The following GAD1 variants were observed in gnomAD, a reference collection of about 807,000 sequenced individuals.
GAD1 encodes the protein glutamate decarboxylase 1.
Under a neutral mutation model 75.2 loss-of-function variants are expected in GAD1, and 35 were observed. The observed-to-expected ratio is 0.47, with a 90% confidence interval of 0.36 to 0.62. The LOEUF (loss-of-function observed/expected upper bound fraction) is 0.62, where lower values mean the gene tolerates loss of function less well. GAD1 is among the 20% of genes least tolerant of loss of function. The pLI is 0.00. For synonymous variants in GAD1, 257 were observed against 271.9 expected, an observed-to-expected ratio of 0.95 and a Z score of 0.54; for missense variants, 490 against 758.5, an observed-to-expected ratio of 0.65 and a Z score of 4.16.
chr2:170,847,149 C>G (rs1702650468), intron 10 of GAD1, among the ~76,000 whole-genome samples: 1 of 152,014 alleles, frequency 6.6e-6, no homozygotes, highest in Admixed American at 6.6e-5. Flanking sequence ...GTGTATAGAC[C>G]TTTTTTAAAT....
chr2:170,831,634 G>GTGTGTA (rs1165758709), intron 5 of GAD1, among the ~76,000 whole-genome samples: 1,826 of 132,010 alleles, frequency 0.014, 20 homozygotes, highest in Middle Eastern at 0.033. Flanking sequence ...GTGTGTGTGT[G>GTGTGTA]TATATACCTA....
Position 170,852,757 on chromosome 2 carries a change from C to T in GAD1, c.1228C>T (p.Leu410=). The change falls in exon 13 of 17, where the codon CTG becomes TTG. Residue 410 remains leucine (L), a synonymous_variant. Transcript: ENST00000358196. ...TWNPHKMMGV[L]LQCSAILVKE... ...GAACCCTCACAAGATGATGGGCGTGCTGTTGCAGTGCTCTGCCATTCTCGT... is the reference window on the plus strand; with the variant it reads ...GAACCCTCACAAGATGATGGGCGTGTTGTTGCAGTGCTCTGCCATTCTCGT... 1.2e-6 allele frequency: 2 copies of T among 1,614,214 alleles called. No individual in the cohort carries two copies. The highest frequency in any genetic ancestry group is 1.7e-6 in the Non-Finnish European group (2 of 1,180,042).
chr2:170,852,976 G>A lies in GAD1; in HGVS notation c.1263+184G>A, dbSNP rs1350174708. The A allele has an allele frequency of 7.4e-6, 5 of 672,148 alleles. No homozygotes were observed. The East Asian group carries it at 1.4e-4, about 18-fold the overall frequency. 41.6% of individuals were successfully genotyped at this position (672,148 alleles called of 1,614,324 possible). On this transcript the variant is annotated intron_variant, in intron 13 of 16. Coordinates refer to ENST00000358196, the MANE Select transcript of GAD1 (RefSeq NM_000817.3). ...AACCTGGTTTCTTCTCTTGGCTCTT[G>A]CTGGCTACTGTGCTTCTTCTTTGAT...
Position 170,818,517 on chromosome 2 carries a change from TTC to T in GAD1, c.-63-8_-63-7del, listed in dbSNP as rs914791423. On this transcript the variant is annotated splice_polypyrimidine_tract_variant and intron_variant, in intron 1 of 16. Coordinates refer to ENST00000358196, the MANE Select transcript of GAD1 (RefSeq NM_000817.3). This position sits in a 1 kb window ranked among gnomAD's most constrained non-coding sequence, Gnocchi z 5.9. Reference sequence around the variant, plus strand: ...GAAGTCCTCCCCGCACAGCTCTCGCTTCTCTTTGCAGCCTGTTTCTGCGCCGG... The same window carrying T: ...GAAGTCCTCCCCGCACAGCTCTCGCTTCTTTGCAGCCTGTTTCTGCGCCGG... The T allele has an allele frequency of 4.3e-6, 6 of 1,395,028 alleles. No individual in the cohort carries two copies. The Admixed American group carries it at 5.0e-5, about 12-fold the overall frequency. 86.4% of individuals were successfully genotyped at this position (1,395,028 alleles called of 1,614,324 possible).
intron 12 of GAD1, 105 bp downstream of exon 12, chr2:170,849,455 C>A: frequency 2.7e-6 from 3 of 1,117,182 alleles, no homozygotes; most frequent in South Asian, 1.3e-5. Context: ...CATCATATTT[C>A]GGTCTAAGTT....
Position 170,859,927 on chromosome 2 carries a change from T to G in GAD1, c.*45T>G, listed in dbSNP as rs1702926214. On this transcript the variant is annotated 3_prime_UTR_variant, in exon 17 of 17. Coordinates refer to ENST00000358196, the MANE Select transcript of GAD1 (RefSeq NM_000817.3). Reference sequence around the variant, plus strand: ...AGTTTATGGGAATGCCTTTTCCCTCTGGCACTCCAGAACAAACCTCTATAT... The same window carrying G: ...AGTTTATGGGAATGCCTTTTCCCTCGGGCACTCCAGAACAAACCTCTATAT... 6.3e-7 allele frequency: 1 copy of G among 1,575,180 alleles called. No homozygotes were observed. Among genetic ancestry groups the G allele is most frequent in the South Asian group, 1.1e-5 (1 of 88,574 alleles).
chr2:170,821,496 G>C (rs980856193), intron 2 of GAD1, among the ~76,000 whole-genome samples: 4 of 152,122 alleles, frequency 2.6e-5, no homozygotes, highest in Non-Finnish European at 4.4e-5. Context: ...CCCACTCCCC[G>C]GTCTGACTGA....
At chr2:170,848,515 A>G (rs1575443481) in intron 11 of GAD1, among the ~76,000 whole-genome samples, 1 of 152,036 alleles carries the variant, frequency 6.6e-6, no homozygotes, top group Middle Eastern at 3.4e-3. Flanking sequence ...AAAAAAAAGA[A>G]AAAAGAAAAA....
At chr2:170,838,574 T>A (rs901186488) in intron 6 of GAD1, among the ~76,000 whole-genome samples, 2 of 152,250 alleles carry the variant, frequency 1.3e-5, no homozygotes, top group African/African-American at 4.8e-5. Context: ...CTGAATTTAC[T>A]CAGCACCTTT....
At chr2:170,842,841 C>T in intron 6 of GAD1, 1 of 927,868 alleles carries the variant, frequency 1.1e-6, no homozygotes, top group Admixed American at 2.9e-5. Context: ...ACAATTAAAA[C>T]TTAGTAGCTT....
chr2:170,825,973 C>T (rs990491996), intron 3 of GAD1, among the ~76,000 whole-genome samples: 1 of 152,170 alleles, frequency 6.6e-6, no homozygotes, highest in Non-Finnish European at 1.5e-5. Flanking sequence ...CCATGTCATC[C>T]ACCACCTCTT....
chr2:170,848,742 T>G (rs776092334), intron 11 of GAD1: 1 of 519,010 alleles, frequency 1.9e-6, no homozygotes, highest in South Asian at 1.4e-5. Flanking sequence ...AACTAATGAC[T>G]AACAAAGGCT....
chr2:170,854,181 T>C (rs188212130), intron 14 of GAD1, among the ~76,000 whole-genome samples, 159 bp downstream of exon 14: 2 of 152,362 alleles, frequency 1.3e-5, no homozygotes, highest in African/African-American at 4.8e-5. Context: ...GAAATTACTT[T>C]ATTCCTTATG....
chr2:170,847,630 G>C, intron 10 of GAD1, 46 bp from the exon 11 acceptor site: 2 of 1,283,874 alleles, frequency 1.6e-6, no homozygotes. Context: ...CAGCAAATGA[G>C]AAAGGTTAAA....
chr2:170,820,553 T>C (rs985271872), intron 2 of GAD1, among the ~76,000 whole-genome samples: 5 of 152,228 alleles, frequency 3.3e-5, no homozygotes, highest in Non-Finnish European at 4.4e-5. Flanking sequence ...TAGAGTCTCC[T>C]GGGAGGTGGC....
At chr2:170,828,971 C>T in intron 3 of GAD1, 1 of 240,798 alleles carries the variant, frequency 4.2e-6, no homozygotes, top group South Asian at 5.3e-5. Flanking sequence ...CTGCTATCCT[C>T]ATCTTCCTCC....
At position 170,845,486 on chromosome 2, in the gene GAD1, A is replaced by ATATGTCCG. The variant is rs1371095227; in HGVS notation, c.752-19_752-12dup. On this transcript the variant is annotated intron_variant, in intron 7 of 16. Coordinates refer to ENST00000358196, the MANE Select transcript of GAD1 (RefSeq NM_000817.3). ...AATCAAAGAGCCCCAACACCTCCCA[A>ATATGTCCG]TATGTCCGCTTGCTGACAGGGGGCG... 1 of 1,603,364 alleles carries ATATGTCCG rather than the reference A, an allele frequency of 6.2e-7. No individual in the cohort carries two copies. The highest frequency in any genetic ancestry group is 2.2e-5 in the East Asian group (1 of 44,858).
At chr2:170,844,472 G>C (rs943767360) in intron 7 of GAD1, among the ~76,000 whole-genome samples, 1 of 143,196 alleles carries the variant, frequency 7.0e-6, no homozygotes, top group Non-Finnish European at 1.5e-5. Context: ...GCAGTGGTGT[G>C]ATCCTAGCTC....
At chr2:170,821,105 T>C (rs1011190496) in intron 2 of GAD1, among the ~76,000 whole-genome samples, 56 of 152,212 alleles carry the variant, frequency 3.7e-4, no homozygotes, top group African/African-American at 1.4e-3. Context: ...CTCCAACACC[T>C]GTGCGAAGCT....
Sources: allele counts gnomAD v4.1 joint callset (sites outside exome capture counted in the v4.1 genomes callset), GRCh38; gene constraint gnomAD v4.1.1; non-coding constraint Gnocchi (gnomAD v3.1); transcripts MANE v1.5; gene names NCBI Gene and HGNC (gene_info 2026-07-23, HGNC 2026-07-21).